Variants in SCFD2 observed in about 807,000 individuals in gnomAD.
SCFD2 encodes the protein sec1 family domain-containing protein 2.
In SCFD2, 54 loss-of-function variants were observed where a neutral mutation model predicts 58.9. The observed-to-expected ratio is 0.92, with a 90% confidence interval of 0.74 to 1.15. The LOEUF (loss-of-function observed/expected upper bound fraction) is 1.15, where lower values mean the gene tolerates loss of function less well. Among genes scored for constraint, SCFD2 ranks in the 50% most tolerant of loss-of-function variants. The probability of loss-of-function intolerance (pLI) is 0.00; values close to 1 mark genes in which losing one functional copy is unlikely to be tolerated. For missense variants in SCFD2, 805 were observed against 836.6 expected (o/e 0.96, Z 0.47); for synonymous variants, 321 against 335.9 (o/e 0.96, Z 0.49).
At position 53,145,446 on chromosome 4, in the gene SCFD2, C is replaced by G. The variant is rs755059263; in HGVS notation, c.1448G>C (p.Gly483Ala). 2 of 1,614,090 alleles carry G rather than the reference C, an allele frequency of 1.2e-6. No individual in the cohort carries two copies. The highest frequency in any genetic ancestry group is 2.2e-5 in the South Asian group (2 of 91,080). ...ILLIYIYSVT[G>A]ELTVDKDLCE... Reference sequence around the variant, plus strand: ...CAGGTCTTTGTCTACCGTGAGCTCTCCAGTGACAGAATAAATATATATGAG... The same window carrying G: ...CAGGTCTTTGTCTACCGTGAGCTCTGCAGTGACAGAATAAATATATATGAG... Residue 483 changes from glycine to alanine, a missense_variant, in exon 5 of 9, where the codon GGA becomes GCA. Coordinates refer to ENST00000401642, the MANE Select transcript of SCFD2 (RefSeq NM_152540.4).
chr4:53,157,264 AG>A lies in SCFD2; in HGVS notation c.1312-11683del, dbSNP rs1338428949. Among the ~76,000 whole-genome samples the A allele has an allele frequency of 8.1e-3, 1,241 of 152,340 alleles. 16 individuals carry two copies. Among genetic ancestry groups the A allele is most frequent in the African/African-American group, 0.028 (1,164 of 41,588 alleles). On this transcript the variant is annotated intron_variant, in intron 4 of 8. Coordinates refer to ENST00000401642, the MANE Select transcript of SCFD2 (RefSeq NM_152540.4). ...TGTAAGAAAATCAGGCATAGGCTAA[AG>A]ATCCATCCAAAATACAAGGTAGACC...
chr4:53,071,479 CT>C (rs1395328590), intron 5 of SCFD2, among the ~76,000 whole-genome samples: 1 of 152,070 alleles, frequency 6.6e-6, no homozygotes, highest in Non-Finnish European at 1.5e-5. Context: ...AATGTTTGTA[CT>C]TTGTAATTAA....
chr4:53,321,488 G>A (rs1441406833), intron 2 of SCFD2, among the ~76,000 whole-genome samples: 1 of 151,990 alleles, frequency 6.6e-6, no homozygotes, highest in Non-Finnish European at 1.5e-5. Flanking sequence ...TAGTTTCTTC[G>A]TGGCATGCAC....
intron 5 of SCFD2, among the ~76,000 whole-genome samples, chr4:53,133,265 T>C (rs1448062370): frequency 1.4e-5 from 2 of 147,480 alleles, no homozygotes; most frequent in African/African-American, 2.5e-5. Context: ...GAGGCGGAGC[T>C]TGCAGTGAGC....
rs1206491882 is a variant in SCFD2, at chr4:53,145,601, T to G, written c.1312-19A>C. 2 of 1,602,278 alleles carry G rather than the reference T, an allele frequency of 1.2e-6. No homozygotes were observed. The highest frequency in any genetic ancestry group is 1.3e-5 in the African/African-American group (1 of 74,386). On this transcript the variant is annotated intron_variant, in intron 4 of 8. Coordinates refer to ENST00000401642, the MANE Select transcript of SCFD2 (RefSeq NM_152540.4). ...CAATGCTCTAAAATAAAAAATGATA[T>G]GAAAATATGTCAATCTTGTATAAAG...
In SCFD2 at chr4:53,180,147, G is replaced by A. The variant is rs183275610; in HGVS notation, c.1312-34565C>T. On this transcript the variant is annotated intron_variant, in intron 4 of 8. Transcript: ENST00000401642. ...AATTGAACTCAGCTCTGCACCAAGC[G>A]GACCTAATAGACATCGACAGAAGTC... is the stretch of plus-strand genomic sequence containing the variant. 3.8e-4 allele frequency among the ~76,000 whole-genome samples: 58 copies of A among 152,168 alleles called. No individual in the cohort carries two copies. In the East Asian group the frequency reaches 4.2e-3, roughly 11 times the overall value.
intron 3 of SCFD2, among the ~76,000 whole-genome samples, chr4:53,296,573 C>T (rs756710398): frequency 6.6e-6 from 1 of 152,066 alleles, no homozygotes. Context: ...TTTTGTTAAT[C>T]TCTTCAAAAA....
At chr4:53,248,818 CA>C (rs1192067294) in intron 4 of SCFD2, among the ~76,000 whole-genome samples, 1 of 152,216 alleles carries the variant, frequency 6.6e-6, no homozygotes, top group East Asian at 1.9e-4. Flanking sequence ...TCACCATCAT[CA>C]AAGACCAAAA....
At chr4:53,158,597 T>G (rs1178006267) in intron 4 of SCFD2, among the ~76,000 whole-genome samples, 1 of 152,160 alleles carries the variant, frequency 6.6e-6, no homozygotes, top group Non-Finnish European at 1.5e-5. Context: ...TATCCATTCC[T>G]TCCCCTACCA....
intron 5 of SCFD2, among the ~76,000 whole-genome samples, chr4:53,065,705 T>C (rs1723645235): frequency 1.3e-5 from 2 of 152,108 alleles, no homozygotes; most frequent in Admixed American, 6.6e-5. Flanking sequence ...TTGGTTTCTG[T>C]TACCATATCT....
chr4:52,950,819 A>G (rs548277708), intron 5 of SCFD2: 14 of 152,152 alleles, frequency 9.2e-5, no homozygotes, highest in African/African-American at 2.6e-4. Flanking sequence ...TGGAGGCTCA[A>G]TGAGACAAAA....
chr4:53,179,665 G>A (rs1727473540), intron 4 of SCFD2, among the ~76,000 whole-genome samples: 1 of 152,168 alleles, frequency 6.6e-6, no homozygotes, highest in African/African-American at 2.4e-5. Context: ...AACTTTAAAT[G>A]TAAATGGACT....
chr4:53,066,055 A>G (rs1723654400), intron 5 of SCFD2, among the ~76,000 whole-genome samples: 2 of 152,120 alleles, frequency 1.3e-5, no homozygotes, highest in Admixed American at 1.3e-4. Context: ...AAGTAAAATG[A>G]TTCCCCTAAC....
chr4:53,163,477 A>T (rs1217017178), intron 4 of SCFD2, among the ~76,000 whole-genome samples: 1 of 152,178 alleles, frequency 6.6e-6, no homozygotes, highest in Non-Finnish European at 1.5e-5. Context: ...TAATCCCAGC[A>T]CTTAAGGAGG....
chr4:53,248,316 C>A lies in SCFD2; in HGVS notation c.1311+25510G>T, dbSNP rs1730190598. Among the ~76,000 whole-genome samples, 3 of 152,198 alleles carry A rather than the reference C, an allele frequency of 2.0e-5. No individual in the cohort carries two copies. In the South Asian group the frequency reaches 6.2e-4, roughly 32 times the overall value. ...AGATGCTAGCACAGCAGTCTGAGAT[C>A]AAACTGCAAGGTGGCAGCGAGGATG... is the stretch of plus-strand genomic sequence containing the variant. On this transcript the variant is annotated intron_variant, in intron 4 of 8. Coordinates refer to ENST00000401642, the MANE Select transcript of SCFD2 (RefSeq NM_152540.4).
chr4:53,010,950 C>T (rs751202480), intron 5 of SCFD2, among the ~76,000 whole-genome samples: 18 of 152,116 alleles, frequency 1.2e-4, no homozygotes, highest in East Asian at 1.9e-4. Context: ...AAAAGACCAA[C>T]GGCAAACTCT....
intron 3 of SCFD2, among the ~76,000 whole-genome samples, chr4:53,286,003 C>G (rs1440011751): frequency 6.6e-6 from 1 of 152,178 alleles, no homozygotes; most frequent in East Asian, 1.9e-4. Context: ...AGAGCCTCTG[C>G]TAGAGTGTAC....
At chr4:52,919,240 TG>T (rs1719678200) in intron 6 of SCFD2, among the ~76,000 whole-genome samples, 2 of 152,198 alleles carry the variant, frequency 1.3e-5, no homozygotes, top group African/African-American at 4.8e-5. Flanking sequence ...ATTCATTTAG[TG>T]GTTTATTTTC....
intron 5 of SCFD2, among the ~76,000 whole-genome samples, chr4:53,055,163 A>T (rs1322397426): frequency 6.6e-6 from 1 of 152,166 alleles, no homozygotes; most frequent in Non-Finnish European, 1.5e-5. Context: ...TTTAATCTTT[A>T]TGGCAGCCCT....
Sources: allele counts gnomAD v4.1 joint callset (sites outside exome capture counted in the v4.1 genomes callset), GRCh38; gene constraint gnomAD v4.1.1; transcripts MANE v1.5; gene names NCBI Gene and HGNC (gene_info 2026-07-23, HGNC 2026-07-21).